Variants in PPP2R3A observed in about 807,000 individuals in gnomAD.
PPP2R3A encodes the protein serine/threonine-protein phosphatase 2A regulatory subunit B'' subunit alpha.
In PPP2R3A, 80 loss-of-function variants were observed where a neutral mutation model predicts 106.9. That is an observed-to-expected ratio of 0.75 (90% CI 0.62 to 0.90). The LOEUF is 0.90. Ranked by LOEUF, PPP2R3A falls within the 40% of genes least tolerant of loss-of-function variation. The probability of loss-of-function intolerance (pLI) is 0.00; values close to 1 mark genes in which losing one functional copy is unlikely to be tolerated. For missense variants in PPP2R3A, 1,386 were observed against 1,350.4 expected (o/e 1.03, Z -0.41); for synonymous variants, 483 against 468.3 (o/e 1.03, Z -0.41).
At chr3:136,010,022 A>G (rs1216524548) in intron 2 of PPP2R3A, among the ~76,000 whole-genome samples, 3 of 151,976 alleles carry the variant, frequency 2.0e-5, no homozygotes, top group Non-Finnish European at 4.4e-5. Flanking sequence ...TCCCTAGTCC[A>G]TTCACTTTCC....
rs1465241665 is a variant in PPP2R3A at position 136,146,769 on chromosome 3, TAA to T, written c.*1604_*1605del. On this transcript the variant is annotated 3_prime_UTR_variant, in exon 14 of 14. Transcript: ENST00000264977. Reference sequence around the variant, plus strand: ...AAATCTAAACACACTGATAAATTATTAAGATTAAGATTATTTATGTGATAAAT... The same window carrying T: ...AAATCTAAACACACTGATAAATTATTGATTAAGATTATTTATGTGATAAAT... 8 of 151,212 alleles carry T rather than the reference TAA, an allele frequency of 5.3e-5. No individual in the cohort carries two copies. Among genetic ancestry groups the T allele is most frequent in the Admixed American group, 3.3e-4 (5 of 15,146 alleles). The allele number at this position is 151,212 out of a possible 1,614,324, so 9.4% of individuals were successfully genotyped here.
chr3:136,004,438 G>A (rs1201934023), intron 2 of PPP2R3A, among the ~76,000 whole-genome samples: 2 of 152,184 alleles, frequency 1.3e-5, no homozygotes, highest in Non-Finnish European at 2.9e-5. Context: ...GAACAAAGGG[G>A]TGATGCTTTT....
chr3:136,091,113 G>T (rs1429697543), intron 10 of PPP2R3A, among the ~76,000 whole-genome samples: 1 of 152,196 alleles, frequency 6.6e-6, no homozygotes, highest in Non-Finnish European at 1.5e-5. Context: ...GACATAGCTT[G>T]ATTGGAGTTA....
rs571218767 is a variant in PPP2R3A at position 136,055,609 on chromosome 3, G to A, written c.2469+6248G>A. 3.7e-5 allele frequency: 51 copies of A among 1,393,060 alleles called. 1 individual carries two copies. In the South Asian group the frequency reaches 5.3e-4, roughly 14 times the overall value. 86.3% of individuals were successfully genotyped at this position (1,393,060 alleles called of 1,614,324 possible). On this transcript the variant is annotated intron_variant, in intron 5 of 13. Transcript: ENST00000264977. ...AGTACTGTATCCACACGAGCCAACT[G>A]CTGTATTTAACACCTGCCTGCCAAT...
At chr3:136,099,422 A>AC (rs1491155414) in intron 10 of PPP2R3A, among the ~76,000 whole-genome samples, 2 of 152,206 alleles carry the variant, frequency 1.3e-5, no homozygotes, top group African/African-American at 4.8e-5. Context: ...AAGAAAAAAA[A>AC]CACAGTGATT....
rs998917683 is a variant in PPP2R3A at position 136,145,658 on chromosome 3, C to G, written c.*492C>G. The G allele has an allele frequency of 1.3e-5, 2 of 152,778 alleles. No homozygotes were observed. Among genetic ancestry groups the G allele is most frequent in the African/African-American group, 2.4e-5 (1 of 41,450 alleles). 9.5% of individuals were successfully genotyped at this position (152,778 alleles called of 1,614,324 possible). ...TAATAAAAGCACTGCCAAAACATCT[C>G]AGAGACTTCTTTTATGTATACTGGA... On this transcript the variant is annotated 3_prime_UTR_variant, in exon 14 of 14. Transcript: ENST00000264977.
intron 3 of PPP2R3A, among the ~76,000 whole-genome samples, chr3:136,027,901 T>C (rs1376203407): frequency 1.3e-5 from 2 of 152,172 alleles, no homozygotes; most frequent in African/African-American, 2.4e-5. Flanking sequence ...TGAGAATACC[T>C]AAGAGCCCAT....
intron 1 of PPP2R3A, among the ~76,000 whole-genome samples, chr3:135,977,191 CAATGTT>C (rs1373765886): frequency 1.3e-5 from 2 of 152,082 alleles, no homozygotes; most frequent in African/African-American, 2.4e-5. Flanking sequence ...TGTTACCACT[CAATGTT>C]AAGGAAAAAA....
chr3:136,041,029 A>G, intron 4 of PPP2R3A, 67 bp downstream of exon 4: 2 of 1,316,260 alleles, frequency 1.5e-6, no homozygotes, highest in Non-Finnish European at 2.1e-6. Context: ...CATGCTTTCT[A>G]AAGGTCACCT....
intron 3 of PPP2R3A, among the ~76,000 whole-genome samples, chr3:136,038,663 A>G (rs1045554297): frequency 2.0e-5 from 3 of 152,178 alleles, no homozygotes; most frequent in East Asian, 1.9e-4. Context: ...CCCTGCCTCC[A>G]TGATACAGAC....
Position 136,082,344 on chromosome 3 carries a change from A to T in PPP2R3A, c.2711A>T (p.Tyr904Phe), listed in dbSNP as rs1248583548. Reference protein sequence around the residue: ...YFSYEHFYVIYCKFWELDTDH... With the variant: ...YFSYEHFYVIFCKFWELDTDH... ...TCCTATGAACATTTCTATGTTATTT[A>T]TTGTAAATTCTGGGAACTAGATACT... is the stretch of plus-strand genomic sequence containing the variant. The change falls in exon 8 of 14, where the codon TAT becomes TTT. Residue 904 changes from tyrosine to phenylalanine, a missense_variant. By Grantham distance (22) the Tyr-to-Phe change is conservative (BLOSUM62 3). Coordinates refer to ENST00000264977, the MANE Select transcript of PPP2R3A (RefSeq NM_002718.5). 2 of 1,610,252 alleles carry T rather than the reference A, an allele frequency of 1.2e-6. No individual in the cohort carries two copies. Among genetic ancestry groups the T allele is most frequent in the Non-Finnish European group, 1.7e-6 (2 of 1,176,440 alleles).
chr3:136,044,930 A>G (rs1935421579), intron 4 of PPP2R3A, among the ~76,000 whole-genome samples: 2 of 152,226 alleles, frequency 1.3e-5, no homozygotes, highest in South Asian at 2.1e-4. Context: ...GAGAGCTGGC[A>G]GAGACAGAGC....
rs914681050 is a variant in PPP2R3A at position 136,146,187 on chromosome 3, A to T, written c.*1021A>T. The T allele has an allele frequency of 2.6e-5, 4 of 152,156 alleles. No individual in the cohort carries two copies. The highest frequency in any genetic ancestry group is 5.9e-5 in the Non-Finnish European group (4 of 68,034). 9.4% of individuals were successfully genotyped at this position (152,156 alleles called of 1,614,324 possible). ...AGGAAATGGAAAATGATACAGCTAT[A>T]AAAGAAAGCTGTTATTTACTGTAGT... On this transcript the variant is annotated 3_prime_UTR_variant, in exon 14 of 14. Transcript: ENST00000264977.
intron 2 of PPP2R3A, chr3:136,022,937 T>C: frequency 6.7e-7 from 1 of 1,490,868 alleles, no homozygotes; most frequent in East Asian, 2.5e-5. Context: ...GAGAGCACAA[T>C]GCTTGAATTT....
At chr3:136,084,201 G>C (rs1033772352) in intron 8 of PPP2R3A, among the ~76,000 whole-genome samples, 1 of 152,124 alleles carries the variant, frequency 6.6e-6, no homozygotes, top group African/African-American at 2.4e-5. Context: ...CAGGCCTGGG[G>C]CCCCCCCTGC....
intron 4 of PPP2R3A, among the ~76,000 whole-genome samples, chr3:136,046,512 G>A (rs566830283): frequency 2.7e-4 from 41 of 150,240 alleles, no homozygotes; most frequent in African/African-American, 1.0e-3. Context: ...CCCTCTGAAA[G>A]CATGCAGAAA....
intron 5 of PPP2R3A, among the ~76,000 whole-genome samples, chr3:136,067,212 G>A (rs1421798488): frequency 1.3e-5 from 2 of 152,182 alleles, no homozygotes; most frequent in Non-Finnish European, 2.9e-5. Flanking sequence ...AAATATTAAA[G>A]TAGGAGGAAA....
At chr3:136,139,290 T>G (rs1455011027) in intron 13 of PPP2R3A, among the ~76,000 whole-genome samples, 2 of 152,124 alleles carry the variant, frequency 1.3e-5, no homozygotes, top group Admixed American at 1.3e-4. Context: ...CAGAAACTGC[T>G]CATCTGAAAG....
At position 136,010,417 on chromosome 3, in the gene PPP2R3A, A is replaced by ATTTTT. The variant is rs56962010; in HGVS notation, c.1995+6947_1995+6951dup. On this transcript the variant is annotated intron_variant, in intron 2 of 13. Transcript: ENST00000264977. ...AGGCGCATGCCATCACGCTCGGCTAATTTTTTTTTTTTTTTTTTTTTTTTT... is the reference window on the plus strand; with the variant it reads ...AGGCGCATGCCATCACGCTCGGCTAATTTTTTTTTTTTTTTTTTTTTTTTTTTTTT... Among the ~76,000 whole-genome samples the ATTTTT allele has an allele frequency of 3.7e-4, 19 of 51,006 alleles. 3 individuals carry two copies. The highest frequency in any genetic ancestry group is 1.6e-3 in the African/African-American group (17 of 10,358). 33.5% of individuals were successfully genotyped at this position (51,006 alleles called of 152,430 possible).
Sources: gnomAD v4.1 joint callset for allele counts (sites outside exome capture counted in the v4.1 genomes callset) on GRCh38, gnomAD v4.1.1 for gene constraint, MANE v1.5 for transcripts, NCBI Gene and HGNC (gene_info 2026-07-23, HGNC 2026-07-21) for gene names.